STK3: variants seen among roughly 807,000 people sequenced by gnomAD.
The protein encoded by STK3 is serine/threonine kinase 3.
A neutral mutation model predicts 58.0 loss-of-function variants in STK3; 41 were observed. That is an observed-to-expected ratio of 0.71 (90% CI 0.55 to 0.92). STK3 has a LOEUF of 0.92. Ranked by LOEUF, STK3 falls within the 40% of genes least tolerant of loss-of-function variation. The probability of loss-of-function intolerance (pLI) is 0.00; values close to 1 mark genes in which losing one functional copy is unlikely to be tolerated. For synonymous variants in STK3, 170 were observed against 191.0 expected (o/e 0.89, Z 0.91); for missense variants, 479 against 602.7 (o/e 0.79, Z 2.15).
intron 3 of STK3, among the ~76,000 whole-genome samples, chr8:98,877,119 GTT>G (rs1837584470): frequency 1.3e-5 from 2 of 152,146 alleles, no homozygotes; most frequent in South Asian, 4.1e-4. Flanking sequence ...ATTCCAAAAG[GTT>G]TTAGAAACAA....
intron 8 of STK3, among the ~76,000 whole-genome samples, chr8:98,563,275 G>A (rs1432481134): frequency 1.3e-5 from 2 of 152,050 alleles, no homozygotes; most frequent in East Asian, 1.9e-4. Flanking sequence ...TAGGAGCCAG[G>A]TTTCTCACCA....
intron 1 of STK3, chr8:98,905,338 C>A: frequency 2.1e-6 from 2 of 950,394 alleles, no homozygotes; most frequent in South Asian, 2.6e-5. Context: ...AGGACATAAT[C>A]TTTCACGATG....
chr8:98,831,609 C>A (rs1564046556), intron 3 of STK3, among the ~76,000 whole-genome samples: 1 of 152,288 alleles, frequency 6.6e-6, no homozygotes, highest in Non-Finnish European at 1.5e-5. Context: ...GTTAATTAAT[C>A]TTTTCTGCTA....
chr8:98,787,124 G>T (rs1488495444), intron 1 of STK3, among the ~76,000 whole-genome samples: 1 of 118,828 alleles, frequency 8.4e-6, no homozygotes, highest in African/African-American at 3.3e-5. Context: ...AGCTGAGGTC[G>T]CACCACTGCA....
intron 2 of STK3, among the ~76,000 whole-genome samples, chr8:98,769,044 T>C (rs185490448): frequency 9.0e-4 from 137 of 152,330 alleles, no homozygotes; most frequent in African/African-American, 3.0e-3. Context: ...ACAGTTTTCA[T>C]GAACTTTGCA....
At chr8:98,915,890 T>C (rs969798327) in intron 1 of STK3, among the ~76,000 whole-genome samples, 2 of 152,130 alleles carry the variant, frequency 1.3e-5, no homozygotes, top group African/African-American at 2.4e-5. Context: ...ATTTTACCTA[T>C]CTATTTTAGG....
chr8:98,638,856 T>G (rs566138971), intron 6 of STK3, among the ~76,000 whole-genome samples: 2 of 152,298 alleles, frequency 1.3e-5, no homozygotes, highest in South Asian at 4.1e-4. Flanking sequence ...ATAGGACAGT[T>G]CTTGGAAATA....
downstream of STK3, among the ~76,000 whole-genome samples, chr8:98,368,691 G>A (rs1817586148): frequency 6.6e-6 from 1 of 152,212 alleles, no homozygotes; most frequent in Non-Finnish European, 1.5e-5. Flanking sequence ...TAACAGCAAA[G>A]GAACTCACAA....
At chr8:98,395,254 A>G (rs897682980) in intron 3 of STK3, among the ~76,000 whole-genome samples, 4 of 152,198 alleles carry the variant, frequency 2.6e-5, no homozygotes, top group Non-Finnish European at 5.9e-5. Context: ...AAAACTATCA[A>G]TGTTGCAAAT....
chr8:98,398,554 A>G (rs1265140557), downstream of STK3, among the ~76,000 whole-genome samples: 1 of 152,150 alleles, frequency 6.6e-6, no homozygotes, highest in Non-Finnish European at 1.5e-5. Context: ...AACCCTCACC[A>G]TCAGACTACA....
chr8:98,752,598 T>C (rs1191536926), intron 3 of STK3, among the ~76,000 whole-genome samples: 3 of 151,792 alleles, frequency 2.0e-5, no homozygotes, highest in Non-Finnish European at 4.4e-5. Context: ...AATTGGCAAA[T>C]GGGATCTAGT....
Position 98,893,213 on chromosome 8 carries a change from A to G in STK3, c.-78-9379T>C, listed in dbSNP as rs187699109. Among the ~76,000 whole-genome samples the G allele has an allele frequency of 9.8e-4, 149 of 151,732 alleles. 2 individuals are homozygous for G. Among genetic ancestry groups the G allele is most frequent in the African/African-American group, 3.5e-3 (145 of 41,338 alleles). On this transcript the variant is annotated intron_variant, in intron 1 of 1. Transcript: ENST00000519420. The stretch of plus-strand genomic sequence containing the variant: ...AGACCAGCCTGGCCAAAATGATGAA[A>G]CCCTATCCCTACTAAAAATACAAAA...
intron 6 of STK3, among the ~76,000 whole-genome samples, chr8:98,695,868 A>G (rs1438596082): frequency 3.9e-5 from 6 of 152,112 alleles, no homozygotes; most frequent in Non-Finnish European, 7.3e-5. Context: ...GTTCCATATG[A>G]ACTTTAAAAT....
chr8:98,363,532 A>C, the STK3 span, among the ~76,000 whole-genome samples: 10 of 152,226 alleles, frequency 6.6e-5, no homozygotes, highest in African/African-American at 2.4e-4. Flanking sequence ...GGGCTAGATC[A>C]GATTAAATTA....
chr8:98,697,142 C>A (rs972366877), intron 6 of STK3, among the ~76,000 whole-genome samples: 2 of 152,172 alleles, frequency 1.3e-5, no homozygotes, highest in Admixed American at 1.3e-4. Flanking sequence ...AGTTTATTTG[C>A]ATAGAGGTGT....
At chr8:98,385,201 C>G (rs781556089) in intron 1 of STK3, among the ~76,000 whole-genome samples, 10 of 151,312 alleles carry the variant, frequency 6.6e-5, no homozygotes, top group South Asian at 2.1e-4. Context: ...CCTCCCACAC[C>G]TGGGCTGAGC....
chr8:98,646,758 G>A (rs1385746966), intron 6 of STK3, among the ~76,000 whole-genome samples: 1 of 151,944 alleles, frequency 6.6e-6, no homozygotes, highest in Non-Finnish European at 1.5e-5. Context: ...AACATCCAAT[G>A]TGTCCAAAAA....
At chr8:98,538,194 G>A (rs1244024484) in intron 9 of STK3, among the ~76,000 whole-genome samples, 1 of 152,138 alleles carries the variant, frequency 6.6e-6, no homozygotes, top group Non-Finnish European at 1.5e-5. Context: ...TAAGATGTGG[G>A]TGGTTCCACC....
intron 3 of STK3, among the ~76,000 whole-genome samples, chr8:98,842,188 A>G (rs1285326187): frequency 2.6e-5 from 4 of 152,202 alleles, no homozygotes; most frequent in Non-Finnish European, 5.9e-5. Context: ...AATATTTAAA[A>G]TTTTTAAATT....
Sources: gnomAD v4.1 joint callset for allele counts (sites outside exome capture counted in the v4.1 genomes callset) on GRCh38, gnomAD v4.1.1 for gene constraint, MANE v1.5 for transcripts, NCBI Gene and HGNC (gene_info 2026-07-23, HGNC 2026-07-21) for gene names.